DPH6: variants seen among roughly 807,000 people sequenced by gnomAD.
The protein encoded by DPH6 is diphthamine biosynthesis 6.
Under a neutral mutation model 38.2 loss-of-function variants are expected in DPH6, and 33 were observed. That is an observed-to-expected ratio of 0.86 (90% confidence interval 0.65 to 1.15). DPH6 has a LOEUF of 1.15. DPH6 is among the 50% of genes most tolerant of loss of function. The probability of loss-of-function intolerance (pLI) is 0.00; values close to 1 mark genes in which losing one functional copy is unlikely to be tolerated. For missense variants in DPH6, 325 were observed against 320.0 expected (o/e 1.02, Z -0.12); for synonymous variants, 108 against 103.0 (o/e 1.05, Z -0.30).
chr15:35,267,663 A>G (rs1191318277), intron 3 of DPH6, among the ~76,000 whole-genome samples: 1 of 152,218 alleles, frequency 6.6e-6, no homozygotes, highest in African/African-American at 2.4e-5. Context: ...TGATGGTTTC[A>G]GACACCTTGT....
At chr15:35,393,875 T>C (rs888158975) in intron 6 of DPH6, among the ~76,000 whole-genome samples, 1 of 152,222 alleles carries the variant, frequency 6.6e-6, no homozygotes, top group Non-Finnish European at 1.5e-5. Context: ...GCTTTCTGCA[T>C]TTGGAAAGTG....
At chr15:35,482,434 T>C (rs372190761) in intron 3 of DPH6, among the ~76,000 whole-genome samples, 7 of 152,250 alleles carry the variant, frequency 4.6e-5, no homozygotes, top group African/African-American at 1.7e-4. Flanking sequence ...TTATACTACT[T>C]GATTAATAAA....
intron 3 of DPH6, among the ~76,000 whole-genome samples, chr15:35,268,778 G>C (rs2051802099): frequency 6.6e-6 from 1 of 151,732 alleles, no homozygotes; most frequent in Non-Finnish European, 1.5e-5. Flanking sequence ...AAGAACAAAG[G>C]ACCAGGAATT....
chr15:35,232,212 T>C (rs1467632723), intron 3 of DPH6, among the ~76,000 whole-genome samples: 2 of 152,162 alleles, frequency 1.3e-5, no homozygotes, highest in Non-Finnish European at 2.9e-5. Context: ...GTAGGTCAAG[T>C]GTTGGAAAGA....
intron 5 of DPH6, among the ~76,000 whole-genome samples, chr15:35,421,355 A>AG (rs1387835257): frequency 6.6e-6 from 1 of 152,240 alleles, no homozygotes; most frequent in Non-Finnish European, 1.5e-5. Flanking sequence ...AACACAAAGT[A>AG]GACTTAGATA....
At chr15:35,439,210 G>A (rs1468893780) in intron 5 of DPH6, among the ~76,000 whole-genome samples, 1 of 152,224 alleles carries the variant, frequency 6.6e-6, no homozygotes, top group Non-Finnish European at 1.5e-5. Context: ...CAGAACACGA[G>A]TTAATGGAAT....
intron 3 of DPH6, among the ~76,000 whole-genome samples, chr15:35,503,213 C>T (rs1020991602): frequency 3.3e-5 from 5 of 151,772 alleles, no homozygotes; most frequent in African/African-American, 1.2e-4. Flanking sequence ...CTGTTACATA[C>T]CTTTGTTATA....
intron 3 of DPH6, among the ~76,000 whole-genome samples, chr15:35,474,835 G>A (rs2054245076): frequency 6.6e-6 from 1 of 151,898 alleles, no homozygotes; most frequent in African/African-American, 2.4e-5. Flanking sequence ...CCAGTCCTAG[G>A]AAGGAAATAG....
chr15:35,275,404 A>G (rs2140430894), intron 3 of DPH6, among the ~76,000 whole-genome samples: 1 of 152,352 alleles, frequency 6.6e-6, no homozygotes, highest in East Asian at 1.9e-4. Flanking sequence ...CTTTGCAGGA[A>G]CATGGATGAC....
At chr15:35,416,785 T>C (rs943773898) in intron 5 of DPH6, among the ~76,000 whole-genome samples, 1 of 152,202 alleles carries the variant, frequency 6.6e-6, no homozygotes, top group African/African-American at 2.4e-5. Flanking sequence ...CCATATGCCA[T>C]GTACTGCAGA....
intron 3 of DPH6, among the ~76,000 whole-genome samples, chr15:35,350,116 G>A (rs28880122): frequency 0.26 from 39,645 of 151,974 alleles, 5,340 homozygotes; most frequent in South Asian, 0.38. Context: ...TACAGATTAC[G>A]TCTCCTTACT....
chr15:35,177,773 T>C, the DPH6 span, among the ~76,000 whole-genome samples: 7 of 151,866 alleles, frequency 4.6e-5, no homozygotes, highest in East Asian at 1.4e-3. Context: ...AACCCCCATC[T>C]CTACTAAAAA....
rs565763549 is a variant in DPH6, at chr15:35,410,693, G to T, written c.567+142C>A. 2.2e-5 allele frequency: 14 copies of T among 638,616 alleles called. No individual in the cohort carries two copies. In the South Asian group the frequency reaches 3.6e-4, roughly 16 times the overall value. The allele number at this position is 638,616 out of a possible 1,614,324, so 39.6% of individuals were successfully genotyped here. Reference sequence around the variant, plus strand: ...ATTTTAAACATTTTCATTTCCATTTGAAGTTTAATTTTTTCATAAATATAT... The same window carrying T: ...ATTTTAAACATTTTCATTTCCATTTTAAGTTTAATTTTTTCATAAATATAT... On this transcript the variant is annotated intron_variant, in intron 6 of 8. Transcript: ENST00000256538.
chr15:35,546,158 G>C lies in DPH6; in HGVS notation c.-17C>G, dbSNP rs1357687032. ...GACCCTCATGCTGGGCGCAGTGCGCGTGCGTGCGGCGAGCGCGGGCGGGAG... is the reference window on the plus strand; with the variant it reads ...GACCCTCATGCTGGGCGCAGTGCGCCTGCGTGCGGCGAGCGCGGGCGGGAG... On this transcript the variant is annotated 5_prime_UTR_variant, in exon 1 of 9. Coordinates refer to ENST00000256538, the MANE Select transcript of DPH6 (RefSeq NM_080650.4). 2.9e-6 allele frequency: 4 copies of C among 1,364,426 alleles called. No individual in the cohort carries two copies. The East Asian group carries it at 9.2e-5, about 32-fold the overall frequency. The allele number at this position is 1,364,426 out of a possible 1,614,324, so 84.5% of individuals were successfully genotyped here. A position where few individuals can be genotyped will look rare whatever the true frequency, so the allele number is the denominator to read the frequency against.
At chr15:35,372,938 C>A (rs773544763) in intron 8 of DPH6, among the ~76,000 whole-genome samples, 1 of 151,954 alleles carries the variant, frequency 6.6e-6, no homozygotes, top group Non-Finnish European at 1.5e-5. Flanking sequence ...AAAGCAACAT[C>A]TGAAGGATGA....
At chr15:35,405,069 T>C (rs1398072352) in intron 6 of DPH6, among the ~76,000 whole-genome samples, 2 of 151,680 alleles carry the variant, frequency 1.3e-5, no homozygotes, top group East Asian at 3.9e-4. Context: ...CTCTATCCTG[T>C]TCCATTGGTC....
At chr15:35,320,674 T>C (rs557243957) in intron 3 of DPH6, among the ~76,000 whole-genome samples, 1 of 152,340 alleles carries the variant, frequency 6.6e-6, no homozygotes, top group Admixed American at 6.5e-5. Flanking sequence ...AATCTTTTCC[T>C]TCTTCGTGGA....
At chr15:35,500,170 A>C (rs2054608125) in intron 3 of DPH6, among the ~76,000 whole-genome samples, 1 of 152,202 alleles carries the variant, frequency 6.6e-6, no homozygotes, top group Non-Finnish European at 1.5e-5. Context: ...CAATATAATC[A>C]GTATCATAAT....
intron 3 of DPH6, among the ~76,000 whole-genome samples, chr15:35,525,208 T>A (rs1315102862): frequency 6.6e-6 from 1 of 152,146 alleles, no homozygotes; most frequent in Non-Finnish European, 1.5e-5. Flanking sequence ...AAGCTACACT[T>A]GAGGAAATCA....
Sources: gnomAD v4.1 joint callset for allele counts (sites outside exome capture counted in the v4.1 genomes callset) on GRCh38, gnomAD v4.1.1 for gene constraint, MANE v1.5 for transcripts, NCBI Gene and HGNC (gene_info 2026-07-23, HGNC 2026-07-21) for gene names.